The following BCKDHB variants were observed in gnomAD, a reference collection of about 807,000 sequenced individuals.
BCKDHB encodes the protein branched chain keto acid dehydrogenase E1 subunit beta.
BCKDHB carries 41 observed loss-of-function variants against 48.5 expected under a neutral mutation model. The observed-to-expected ratio is 0.85, with a 90% CI of 0.66 to 1.10. The LOEUF (loss-of-function observed/expected upper bound fraction) is 1.10. Among genes scored for constraint, BCKDHB ranks in the 50% least tolerant of loss-of-function variants. The probability of loss-of-function intolerance (pLI) is 0.00; values close to 1 mark genes in which losing one functional copy is unlikely to be tolerated. For missense variants in BCKDHB, 496 were observed against 494.2 expected (o/e 1.00, Z -0.03); for synonymous variants, 201 against 174.8 (o/e 1.15, Z -1.18).
At chr6:80,422,989 G>A in the BCKDHB span, among the ~76,000 whole-genome samples, 1 of 152,124 alleles carries the variant, frequency 6.6e-6, no homozygotes, top group Non-Finnish European at 1.5e-5. Flanking sequence ...AAATTTTTGA[G>A]GGGTTAGGCG....
chr6:80,271,492 T>G (rs1261631045), intron 8 of BCKDHB, among the ~76,000 whole-genome samples: 1 of 152,174 alleles, frequency 6.6e-6, no homozygotes, highest in East Asian at 1.9e-4. Context: ...CCACCTGCCC[T>G]GGTTGCTTGT....
intron 5 of BCKDHB, chr6:80,169,896 A>G (rs45594431): frequency 1.3e-6 from 2 of 1,581,370 alleles, no homozygotes; most frequent in Non-Finnish European, 1.7e-6. Context: ...GAAAGAAGCC[A>G]TGTGCGAGGC....
chr6:80,223,883 T>G (rs1031909144), intron 8 of BCKDHB, among the ~76,000 whole-genome samples: 4 of 152,214 alleles, frequency 2.6e-5, no homozygotes, highest in African/African-American at 9.6e-5. Context: ...GATTGACTAA[T>G]CTGTTAAATA....
intron 9 of BCKDHB, among the ~76,000 whole-genome samples, chr6:80,338,457 T>G (rs779155645): frequency 4.6e-5 from 7 of 152,210 alleles, no homozygotes; most frequent in African/African-American, 7.2e-5. Flanking sequence ...CACCGGACAC[T>G]GCCTTTCCTA....
chr6:80,422,318 A>T, the BCKDHB span, among the ~76,000 whole-genome samples: 1 of 152,190 alleles, frequency 6.6e-6, no homozygotes, highest in Admixed American at 6.5e-5. Context: ...TAGATTTTAG[A>T]GGATGTATGG....
intron 8 of BCKDHB, among the ~76,000 whole-genome samples, chr6:80,238,511 C>A (rs1776239128): frequency 6.6e-6 from 1 of 152,166 alleles, no homozygotes; most frequent in South Asian, 2.1e-4. Context: ...CCTCGGAAAC[C>A]AGAGTAGGCT....
At chr6:80,426,969 T>C in the BCKDHB span, among the ~76,000 whole-genome samples, 1 of 152,108 alleles carries the variant, frequency 6.6e-6, no homozygotes, top group Non-Finnish European at 1.5e-5. Context: ...CTTTTCTCAG[T>C]TCCATTAATA....
chr6:80,129,179 T>C lies in BCKDHB; in HGVS notation c.293T>C (p.Val98Ala). The C allele has an allele frequency of 1.9e-6, 3 of 1,609,888 alleles. No individual in the cohort carries two copies. In the South Asian group the frequency reaches 3.3e-5, roughly 18 times the overall value. ...TTTTCAGTAATATTTGGTGAAGATG[T>C]TGCCTTTGGTGGAGTCTTTAGATGC... The part of the protein sequence containing the change: ...DPTAVIFGED[V>A]AFGGVFRCTV... Residue 98 changes from valine to alanine, a missense_variant, in exon 3 of 10, where the codon GTT (valine) becomes GCT (alanine). Val to Ala is a moderately conservative substitution (Grantham distance 64). Coordinates refer to ENST00000320393, the MANE Select transcript of BCKDHB (RefSeq NM_183050.4).
the BCKDHB span, among the ~76,000 whole-genome samples, chr6:80,426,849 GTTGTCCACATC>G: frequency 6.6e-6 from 1 of 152,070 alleles, no homozygotes; most frequent in South Asian, 2.1e-4. Flanking sequence ...GGTTGATAGT[GTTGTCCACATC>G]TTGTATAACC....
the BCKDHB span, among the ~76,000 whole-genome samples, chr6:80,420,809 G>T: frequency 6.6e-6 from 1 of 152,140 alleles, no homozygotes; most frequent in East Asian, 1.9e-4. Context: ...GGCCTTTTGG[G>T]CAGTGTCCCA....
chr6:80,429,771 G>A, the BCKDHB span, among the ~76,000 whole-genome samples: 1 of 152,130 alleles, frequency 6.6e-6, no homozygotes, highest in African/African-American at 2.4e-5. Flanking sequence ...GAGATTTTGG[G>A]CTGAGTGGTG....
chr6:80,234,215 G>C (rs1301419008), intron 8 of BCKDHB, among the ~76,000 whole-genome samples: 1 of 152,214 alleles, frequency 6.6e-6, no homozygotes, highest in African/African-American at 2.4e-5. Context: ...TGGCCTGGGG[G>C]TTGGGGACCC....
the BCKDHB span, among the ~76,000 whole-genome samples, chr6:80,459,017 G>A: frequency 2.0e-5 from 3 of 152,154 alleles, no homozygotes; most frequent in Non-Finnish European, 4.4e-5. Flanking sequence ...TGGAACCGTT[G>A]TGCAATGTTG....
intron 9 of BCKDHB, among the ~76,000 whole-genome samples, chr6:80,330,857 C>T (rs776310202): frequency 3.3e-5 from 5 of 152,164 alleles, no homozygotes; most frequent in African/African-American, 9.7e-5. Flanking sequence ...GACCTACACA[C>T]CCAACCCACT....
Position 80,346,112 on chromosome 6 carries a change from C to G in BCKDHB, c.*2308C>G, listed in dbSNP as rs896908162. ...GATATTGGCTGAAAAGTTCTACATT[C>G]TATTATTGTATTGTAACACACATGT... is the stretch of plus-strand genomic sequence containing the variant. On this transcript the variant is annotated 3_prime_UTR_variant, in exon 10 of 10. Coordinates refer to ENST00000320393, the MANE Select transcript of BCKDHB (RefSeq NM_183050.4). The G allele has an allele frequency of 6.6e-6, 1 of 152,046 alleles. No individual in the cohort carries two copies. Among genetic ancestry groups the G allele is most frequent in the Non-Finnish European group, 1.5e-5 (1 of 67,990 alleles). 9.4% of individuals were successfully genotyped at this position (152,046 alleles called of 1,614,324 possible).
chr6:80,404,691 G>A, the BCKDHB span, among the ~76,000 whole-genome samples: 6 of 151,860 alleles, frequency 4.0e-5, no homozygotes, highest in African/African-American at 7.2e-5. Flanking sequence ...CTTAATGTAT[G>A]TTGTTATTGC....
intron 8 of BCKDHB, among the ~76,000 whole-genome samples, chr6:80,219,622 T>C (rs575726707): frequency 6.6e-6 from 1 of 152,336 alleles, no homozygotes; most frequent in East Asian, 1.9e-4. Flanking sequence ...ATTTCCTGGG[T>C]CCTGCGATTT....
chr6:80,370,994 G>T, the BCKDHB span, among the ~76,000 whole-genome samples: 3 of 151,984 alleles, frequency 2.0e-5, no homozygotes, highest in Non-Finnish European at 2.9e-5. Flanking sequence ...TTTTCCTCTG[G>T]GTAGATACCC....
rs558448066 is a variant in BCKDHB at position 80,106,717 on chromosome 6, C to A, written c.24C>A (p.Ala8=). 4 of 1,552,418 alleles carry A rather than the reference C, an allele frequency of 2.6e-6. No homozygotes were observed. The highest frequency in any genetic ancestry group is 1.7e-6 in the Non-Finnish European group (2 of 1,148,728). MAVVAAA[A]GWLLRLRAAG... is the part of the protein sequence containing the mutation. ...GGATGGCGGTTGTAGCGGCGGCTGC[C>A]GGCTGGCTACTCAGGCTCAGGGCGG... The change falls in exon 1 of 10, where the codon GCC becomes GCA. Residue 8 remains alanine (A), a synonymous_variant. Coordinates refer to ENST00000320393, the MANE Select transcript of BCKDHB (RefSeq NM_183050.4).
Sources: gnomAD v4.1 joint callset for allele counts (sites outside exome capture counted in the v4.1 genomes callset) on GRCh38, gnomAD v4.1.1 for gene constraint, MANE v1.5 for transcripts, NCBI Gene and HGNC (gene_info 2026-07-23, HGNC 2026-07-21) for gene names.